Variants in ITPRID1 observed in about 807,000 individuals in gnomAD.
The protein encoded by ITPRID1 is ITPR interacting domain containing 1.
ITPRID1 carries 96 observed loss-of-function variants against 95.4 expected under a neutral mutation model. The observed-to-expected ratio is 1.01, with a 90% confidence interval of 0.85 to 1.19. The LOEUF is 1.19. ITPRID1 is among the 50% of genes most tolerant of loss of function. The pLI is 0.00. For synonymous variants in ITPRID1, 510 were observed against 453.6 expected (o/e 1.12, Z -1.58); for missense variants, 1,339 against 1,252.9 (o/e 1.07, Z -1.04).
chr7:31,632,016 G>T (rs764778675), intron 10 of ITPRID1, among the ~76,000 whole-genome samples: 17 of 152,234 alleles, frequency 1.1e-4, no homozygotes, highest in Non-Finnish European at 1.6e-4. Context: ...AGGAATGAAG[G>T]CTTCCAGTAG....
At chr7:31,614,834 G>A (rs1408386000) in intron 10 of ITPRID1, among the ~76,000 whole-genome samples, 1 of 152,052 alleles carries the variant, frequency 6.6e-6, no homozygotes, top group Non-Finnish European at 1.5e-5. Flanking sequence ...TTCAGAAACA[G>A]CCACTGAGGA....
chr7:31,625,782 AC>A (rs1428516102), intron 10 of ITPRID1, among the ~76,000 whole-genome samples: 2 of 152,142 alleles, frequency 1.3e-5, no homozygotes, highest in South Asian at 2.1e-4. Context: ...TAAAAAAAAA[AC>A]AGTTAAAGAA....
intron 10 of ITPRID1, among the ~76,000 whole-genome samples, chr7:31,629,356 A>T (rs1308984219): frequency 6.6e-6 from 1 of 152,186 alleles, no homozygotes; most frequent in African/African-American, 2.4e-5. Flanking sequence ...AACTTGCTTC[A>T]TTCCAAGTCC....
chr7:31,524,044 C>T (rs1346490942), intron 1 of ITPRID1, among the ~76,000 whole-genome samples: 1 of 152,118 alleles, frequency 6.6e-6, no homozygotes, highest in African/African-American at 2.4e-5. Context: ...TCAGGAAATC[C>T]ATGGAAGAAA....
rs10247620 is a variant in ITPRID1, at chr7:31,643,796, G to C, written c.2426G>C (p.Cys809Ser). 1 of 1,613,796 alleles carries C rather than the reference G, an allele frequency of 6.2e-7. No individual in the cohort carries two copies. Among genetic ancestry groups the C allele is most frequent in the Non-Finnish European group, 8.5e-7 (1 of 1,179,860 alleles). ...HAIPAHCCIC[C>S]HHHPHCHGER... ...ATACCTGCCCACTGCTGCATCTGCT[G>C]TCATCACCACCCTCACTGCCACGGG... is the stretch of plus-strand genomic sequence containing the variant. The change falls in exon 12 of 15, where the codon TGT becomes TCT. Residue 809 changes from cysteine (C) to serine (S), a missense_variant. Physicochemically the swap from Cys to Ser is moderately radical, Grantham distance 112. Coordinates refer to ENST00000615280, the MANE Select transcript of ITPRID1 (RefSeq NM_001257967.3).
Position 31,594,131 on chromosome 7 carries a change from T to C in ITPRID1, c.1228+10940T>C, listed in dbSNP as rs149697438. 4.5e-4 allele frequency among the ~76,000 whole-genome samples: 68 copies of C among 152,366 alleles called. No individual in the cohort carries two copies. In the East Asian group the frequency reaches 0.011, roughly 24 times the overall value. ...TGCGATACCCAAATACTTATCATTG[T>C]GTTACAGTTGCCTACAGTATTCAGT... On this transcript the variant is annotated intron_variant, in intron 10 of 14. Coordinates refer to ENST00000615280, the MANE Select transcript of ITPRID1 (RefSeq NM_001257967.3).
intron 12 of ITPRID1, among the ~76,000 whole-genome samples, chr7:31,645,286 A>G (rs1212636014): frequency 6.6e-6 from 1 of 152,248 alleles, no homozygotes; most frequent in Non-Finnish European, 1.5e-5. Context: ...CTTTCAATGT[A>G]TAGAAATCAC....
intron 2 of ITPRID1, among the ~76,000 whole-genome samples, chr7:31,552,162 A>G (rs1350391731): frequency 7.0e-6 from 1 of 143,162 alleles, no homozygotes; most frequent in Admixed American, 7.1e-5. Flanking sequence ...ATGAAGGTCA[A>G]GTTAAATAAT....
At chr7:31,521,361 A>T (rs1783243889) in intron 1 of ITPRID1, among the ~76,000 whole-genome samples, 1 of 152,158 alleles carries the variant, frequency 6.6e-6, no homozygotes, top group Admixed American at 6.5e-5. Context: ...ATTTCTGAGT[A>T]TCTTGAGATT....
intron 10 of ITPRID1, among the ~76,000 whole-genome samples, chr7:31,602,178 G>A (rs1786422642): frequency 6.6e-6 from 1 of 152,032 alleles, no homozygotes; most frequent in African/African-American, 2.4e-5. Flanking sequence ...TTTTTTATTA[G>A]GCAATTTTAT....
chr7:31,570,948 G>A (rs1303861553), intron 6 of ITPRID1, among the ~76,000 whole-genome samples: 1 of 152,070 alleles, frequency 6.6e-6, no homozygotes, highest in Non-Finnish European at 1.5e-5. Flanking sequence ...TAACAGCAGA[G>A]TTTTTACTAT....
intron 10 of ITPRID1, among the ~76,000 whole-genome samples, chr7:31,615,431 A>G (rs1476212900): frequency 6.6e-6 from 1 of 152,170 alleles, no homozygotes; most frequent in African/African-American, 2.4e-5. Context: ...TACCATGAAC[A>G]ATAATGGCAA....
intron 10 of ITPRID1, among the ~76,000 whole-genome samples, chr7:31,641,067 TG>T (rs1219037981): frequency 1.3e-5 from 2 of 152,160 alleles, no homozygotes; most frequent in South Asian, 2.1e-4. Flanking sequence ...TTGCTGTCTT[TG>T]CTCAGACACA....
intron 12 of ITPRID1, among the ~76,000 whole-genome samples, chr7:31,646,217 T>G (rs1444754325): frequency 2.0e-5 from 3 of 152,206 alleles, no homozygotes; most frequent in African/African-American, 7.2e-5. Context: ...TAGACCTGTT[T>G]AATCCATCAG....
chr7:31,649,166 C>G (rs1790743394), intron 12 of ITPRID1, among the ~76,000 whole-genome samples: 1 of 152,232 alleles, frequency 6.6e-6, no homozygotes, highest in Non-Finnish European at 1.5e-5. Context: ...CAAAACCAAA[C>G]TCCAAAACCA....
chr7:31,654,464 C>T lies in ITPRID1; in HGVS notation c.*1635C>T, dbSNP rs568105273. Among the ~76,000 whole-genome samples the T allele has an allele frequency of 7.2e-5, 11 of 152,162 alleles. No individual in the cohort carries two copies. The highest frequency in any genetic ancestry group is 1.5e-4 in the Non-Finnish European group (10 of 68,004). ...AGCCACTGTGGGTTTTAAGCAGGGT[C>T]GTCATATAATCTGATTTACGTTTTG... On this transcript the variant is annotated 3_prime_UTR_variant, in exon 15 of 15. Transcript: ENST00000615280.
At position 31,643,925 on chromosome 7, in the gene ITPRID1, A is replaced by G; in HGVS notation, c.2555A>G (p.Gln852Arg). Reference protein sequence around the residue: ...AQFMTTLKALQDTTVRELCSC... With the variant: ...AQFMTTLKALRDTTVRELCSC... Reference sequence around the variant, plus strand: ...TTCATGACGACTTTGAAAGCCCTTCAGGACACTACAGTGAGGGAGCTATGT... The same window carrying G: ...TTCATGACGACTTTGAAAGCCCTTCGGGACACTACAGTGAGGGAGCTATGT... The change falls in exon 12 of 15, where the codon CAG (glutamine) becomes CGG (arginine). Residue 852 changes from glutamine (Q) to arginine (R), a missense_variant. Transcript: ENST00000615280. 6.2e-7 allele frequency: 1 copy of G among 1,613,240 alleles called. No homozygotes were observed. Among genetic ancestry groups the G allele is most frequent in the Non-Finnish European group, 8.5e-7 (1 of 1,179,672 alleles).
At chr7:31,583,610 A>C (rs902115030) in intron 10 of ITPRID1, among the ~76,000 whole-genome samples, 2 of 152,190 alleles carry the variant, frequency 1.3e-5, no homozygotes, top group Admixed American at 6.5e-5. Context: ...CCCGGGCAAC[A>C]AGAGAAAAAC....
intron 10 of ITPRID1, among the ~76,000 whole-genome samples, chr7:31,595,398 A>G (rs1786046341): frequency 6.8e-6 from 1 of 146,636 alleles, no homozygotes; most frequent in Non-Finnish European, 1.5e-5. Flanking sequence ...TTTTATAGAT[A>G]TAAATGCAGT....
Sources: allele counts gnomAD v4.1 joint callset (sites outside exome capture counted in the v4.1 genomes callset), GRCh38; gene constraint gnomAD v4.1.1; transcripts MANE v1.5; gene names NCBI Gene and HGNC (gene_info 2026-07-23, HGNC 2026-07-21).